The following ENTREP2 variants were observed in gnomAD, a reference collection of about 807,000 sequenced individuals.
The protein encoded by ENTREP2 is endosomal transmembrane epsin interactor 2.
chr15:29,573,694 TC>T, the ENTREP2 span, among the ~76,000 whole-genome samples: 1 of 151,488 alleles, frequency 6.6e-6, no homozygotes, highest in Non-Finnish European at 1.5e-5. Flanking sequence ...TGTCTGTCTT[TC>T]CCCCACCCCT....
chr15:29,405,444 G>C, the ENTREP2 span, among the ~76,000 whole-genome samples: 1 of 151,022 alleles, frequency 6.6e-6, no homozygotes, highest in Admixed American at 6.6e-5. Flanking sequence ...ATGACACTGT[G>C]CCCTTTAGGG....
the ENTREP2 span, among the ~76,000 whole-genome samples, chr15:29,224,984 C>T: frequency 6.6e-6 from 1 of 152,204 alleles, no homozygotes; most frequent in Non-Finnish European, 1.5e-5. Flanking sequence ...ACAGCAGCTA[C>T]TGGCCCACAT....
the ENTREP2 span, among the ~76,000 whole-genome samples, chr15:29,220,729 G>A: frequency 3.3e-3 from 501 of 151,440 alleles, 2 homozygotes; most frequent in Non-Finnish European, 5.6e-3. Context: ...AAACATTTAG[G>A]AAAAAGTTAT....
chr15:29,456,940 G>A, the ENTREP2 span, among the ~76,000 whole-genome samples: 362 of 152,312 alleles, frequency 2.4e-3, 1 homozygote, highest in African/African-American at 8.3e-3. Flanking sequence ...CCAATCTGAT[G>A]GAAGATCTTC....
the ENTREP2 span, among the ~76,000 whole-genome samples, chr15:29,331,835 C>T: frequency 6.6e-6 from 1 of 152,180 alleles, no homozygotes; most frequent in African/African-American, 2.4e-5. Context: ...AGGCACCCGA[C>T]AGACCAAGAA....
At chr15:29,566,415 C>T in the ENTREP2 span, among the ~76,000 whole-genome samples, 493 of 152,104 alleles carry the variant, frequency 3.2e-3, 2 homozygotes, top group Admixed American at 8.6e-3. Flanking sequence ...CCACCTGCCT[C>T]GGCCTCCCAA....
At chr15:29,559,214 G>T in the ENTREP2 span, among the ~76,000 whole-genome samples, 1 of 152,128 alleles carries the variant, frequency 6.6e-6, no homozygotes, top group African/African-American at 2.4e-5. Flanking sequence ...TCCAGTTACA[G>T]TTTCACATAC....
At chr15:29,298,674 T>C in the ENTREP2 span, among the ~76,000 whole-genome samples, 1 of 152,136 alleles carries the variant, frequency 6.6e-6, no homozygotes, top group South Asian at 2.1e-4. Flanking sequence ...GAAGAAATAC[T>C]GAATTTGAAT....
At chr15:29,482,455 C>A in the ENTREP2 span, among the ~76,000 whole-genome samples, 1 of 152,146 alleles carries the variant, frequency 6.6e-6, no homozygotes, top group African/African-American at 2.4e-5. Flanking sequence ...ATTGTAGTAT[C>A]TTAAGAGACA....
At chr15:29,267,498 T>C in the ENTREP2 span, 4 of 152,200 alleles carry the variant, frequency 2.6e-5, no homozygotes, top group Non-Finnish European at 4.4e-5. Context: ...GCTGACAAGT[T>C]AGCATGAGCC....
the ENTREP2 span, among the ~76,000 whole-genome samples, chr15:29,216,628 A>C: frequency 6.6e-6 from 1 of 152,142 alleles, no homozygotes; most frequent in Non-Finnish European, 1.5e-5. Flanking sequence ...TCATTTTGTT[A>C]CACCCGAGCG....
At chr15:29,235,026 T>A in the ENTREP2 span, 8 of 1,218,350 alleles carry the variant, frequency 6.6e-6, no homozygotes, top group Non-Finnish European at 9.8e-6. Context: ...AATCTTTAGA[T>A]AAATTCTCTT....
chr15:29,259,286 A>T, the ENTREP2 span, among the ~76,000 whole-genome samples: 1 of 152,248 alleles, frequency 6.6e-6, no homozygotes, highest in Non-Finnish European at 1.5e-5. Flanking sequence ...CTGATTTCAG[A>T]GTCACCACAT....
chr15:29,256,182 C>A, the ENTREP2 span, among the ~76,000 whole-genome samples: 1 of 152,014 alleles, frequency 6.6e-6, no homozygotes, highest in Non-Finnish European at 1.5e-5. Flanking sequence ...ACTGAGGACT[C>A]CAACCGGAGG....
At chr15:29,152,708 T>C in the ENTREP2 span, among the ~76,000 whole-genome samples, 1 of 152,232 alleles carries the variant, frequency 6.6e-6, no homozygotes, top group African/African-American at 2.4e-5. Flanking sequence ...ATTCCAGTTT[T>C]CCAGTTGTGG....
the ENTREP2 span, among the ~76,000 whole-genome samples, chr15:29,135,248 T>C: frequency 2.6e-5 from 4 of 151,898 alleles, no homozygotes; most frequent in East Asian, 1.9e-4. The surrounding 1 kb of genome is among the most constrained non-coding windows in gnomAD (Gnocchi z 7.4). Flanking sequence ...GTCACGGGAG[T>C]TCTCTGCATT....
chr15:29,368,755 T>C, the ENTREP2 span, among the ~76,000 whole-genome samples: 4 of 151,874 alleles, frequency 2.6e-5, no homozygotes, highest in African/African-American at 9.7e-5. Context: ...CACTCACCTG[T>C]AATCTCAGCT....
the ENTREP2 span, among the ~76,000 whole-genome samples, chr15:29,262,804 T>C: frequency 6.6e-6 from 1 of 152,220 alleles, no homozygotes; most frequent in Non-Finnish European, 1.5e-5. Context: ...TTGTGACTAG[T>C]GTCCTGAGAG....
chr15:29,327,601 A>AC, the ENTREP2 span, among the ~76,000 whole-genome samples: 4 of 152,074 alleles, frequency 2.6e-5, no homozygotes. Context: ...TCTCAAAAAA[A>AC]AAAAAAAAAG....
Sources: allele counts gnomAD v4.1 joint callset (sites outside exome capture counted in the v4.1 genomes callset), GRCh38; gene constraint gnomAD v4.1.1; non-coding constraint Gnocchi (gnomAD v3.1); transcripts MANE v1.5; gene names NCBI Gene and HGNC (gene_info 2026-07-23, HGNC 2026-07-21).